The following NACC2 variants were observed in gnomAD, a reference collection of about 807,000 sequenced individuals.
NACC2 encodes NACC family member 2.
NACC2 carries 8 observed loss-of-function variants against 25.1 expected under a neutral mutation model. The ratio of observed to expected loss-of-function variants is 0.32; its 90% CI spans 0.19 to 0.57. The LOEUF (loss-of-function observed/expected upper bound fraction) is 0.57, where lower values mean the gene tolerates loss of function less well. NACC2 is among the 20% of genes least tolerant of loss of function. NACC2 has a pLI of 0.89. For synonymous variants in NACC2, 435 were observed against 294.7 expected, an observed-to-expected ratio of 1.48 and a Z score of -4.88; for missense variants, 644 against 650.2, an observed-to-expected ratio of 0.99 and a Z score of 0.10.
chr9:136,011,140 C>G lies in NACC2; in HGVS notation c.*376G>C, dbSNP rs1840099053. Reference sequence around the variant, plus strand: ...CCCCCTCGCCACAGACCACCGCCGGCCCCTGCTTCGTCTTCCGGGCAGGAG... The same window carrying G: ...CCCCCTCGCCACAGACCACCGCCGGGCCCTGCTTCGTCTTCCGGGCAGGAG... On this transcript the variant is annotated 3_prime_UTR_variant, in exon 6 of 6. Transcript: ENST00000277554. 1 of 166,452 alleles carries G rather than the reference C, an allele frequency of 6.0e-6. No individual in the cohort carries two copies. The highest frequency in any genetic ancestry group is 2.4e-5 in the African/African-American group (1 of 42,082). 10.3% of individuals were successfully genotyped at this position (166,452 alleles called of 1,614,324 possible).
intron 1 of NACC2, among the ~76,000 whole-genome samples, chr9:136,051,842 G>A (rs1375657068): frequency 6.6e-6 from 1 of 152,098 alleles, no homozygotes; most frequent in East Asian, 1.9e-4. Flanking sequence ...AACGGAGCGG[G>A]AGCCCTGGGG....
At chr9:136,051,766 G>A (rs1382041158) in intron 1 of NACC2, among the ~76,000 whole-genome samples, 2 of 152,166 alleles carry the variant, frequency 1.3e-5, no homozygotes, top group African/African-American at 4.8e-5. Flanking sequence ...GGCACTGCCC[G>A]CTCCGCCTGG....
intron 2 of NACC2, among the ~76,000 whole-genome samples, chr9:136,029,797 T>G (rs1400929249): frequency 2.0e-5 from 3 of 152,200 alleles, no homozygotes; most frequent in South Asian, 2.1e-4. Flanking sequence ...TGCCTGGCTG[T>G]GCACAGTGGC....
rs931101475 is a variant in NACC2, at chr9:136,086,927, C to T, written c.-60+8262G>A. 2.0e-5 allele frequency among the ~76,000 whole-genome samples: 3 copies of T among 152,246 alleles called. No individual in the cohort carries two copies. Among genetic ancestry groups the T allele is most frequent in the Non-Finnish European group, 4.4e-5 (3 of 68,042 alleles). ...CCTCCCACACCACACCGGGGGTTCG[C>T]ATCTACCTGACCCTTTGAATGCGGC... is the stretch of plus-strand genomic sequence containing the variant. On this transcript the variant is annotated intron_variant, in intron 1 of 5. Coordinates refer to ENST00000277554, the MANE Select transcript of NACC2 (RefSeq NM_144653.5). This position sits in a 1 kb window ranked among gnomAD's most constrained non-coding sequence, Gnocchi z 5.6.
At chr9:136,092,761 G>A (rs754873925) in intron 1 of NACC2, among the ~76,000 whole-genome samples, 4 of 152,196 alleles carry the variant, frequency 2.6e-5, no homozygotes, top group Non-Finnish European at 5.9e-5. Flanking sequence ...TCTGTAGAAG[G>A]CCTTGGTTCT....
intron 1 of NACC2, among the ~76,000 whole-genome samples, chr9:136,051,280 G>A (rs1397064815): frequency 2.0e-5 from 3 of 152,162 alleles, no homozygotes; most frequent in African/African-American, 7.2e-5. Context: ...TGCTCTCCTG[G>A]CTCGGACCAG....
chr9:136,041,052 AAGG>A (rs1840621053), intron 2 of NACC2, among the ~76,000 whole-genome samples: 1 of 149,002 alleles, frequency 6.7e-6, no homozygotes, highest in Non-Finnish European at 1.5e-5. Flanking sequence ...GGAAGGAAGG[AAGG>A]AAGGAAAGGA....
At chr9:136,046,573 C>A (rs1437081961) in intron 2 of NACC2, among the ~76,000 whole-genome samples, 4 of 152,202 alleles carry the variant, frequency 2.6e-5, no homozygotes, top group Non-Finnish European at 5.9e-5. Context: ...TGATGGGGAC[C>A]GAGACGGGGC....
intron 2 of NACC2, among the ~76,000 whole-genome samples, chr9:136,030,932 A>T (rs770087523): frequency 6.6e-6 from 1 of 152,110 alleles, no homozygotes; most frequent in African/African-American, 2.4e-5. Flanking sequence ...CAGTGCTGGG[A>T]TTACAGGAGT....
intron 2 of NACC2, among the ~76,000 whole-genome samples, chr9:136,044,541 G>A (rs1374705378): frequency 6.6e-6 from 1 of 152,112 alleles, no homozygotes; most frequent in Non-Finnish European, 1.5e-5. Context: ...ACCCTATCCA[G>A]GCCAGAGATG....
Position 136,013,062 on chromosome 9 carries a change from A to T in NACC2, c.1255+137T>A. 2 of 653,370 alleles carry T rather than the reference A, an allele frequency of 3.1e-6. No individual in the cohort carries two copies. The highest frequency in any genetic ancestry group is 5.3e-6 in the Non-Finnish European group (2 of 380,626). The allele number at this position is 653,370 out of a possible 1,614,324, so 40.5% of individuals were successfully genotyped here. On this transcript the variant is annotated intron_variant, in intron 5 of 5. Coordinates refer to ENST00000277554, the MANE Select transcript of NACC2 (RefSeq NM_144653.5). This position sits in a 1 kb window ranked among gnomAD's most constrained non-coding sequence, Gnocchi z 6.6. ...GCTCTTTTCTCCTCATCTTCCCCTC[A>T]ATCAGACCATGCTCGGCCCCCAGGG...
intron 1 of NACC2, among the ~76,000 whole-genome samples, chr9:136,094,442 C>A (rs1368346845): frequency 1.3e-5 from 2 of 152,228 alleles, no homozygotes; most frequent in East Asian, 3.9e-4. Flanking sequence ...CAGGAAACTC[C>A]GTCGGAAGGC....
At position 136,011,860 on chromosome 9, in the gene NACC2, C is replaced by T. The variant is rs1375368858; in HGVS notation, c.1420G>A (p.Ala474Thr). The change falls in exon 6 of 6, where the codon GCC becomes ACC. Residue 474 changes from alanine (A) to threonine (T), a missense_variant. Physicochemically the swap from Ala to Thr is moderately conservative, Grantham distance 58. Coordinates refer to ENST00000277554, the MANE Select transcript of NACC2 (RefSeq NM_144653.5). The stretch of plus-strand genomic sequence containing the variant: ...TCGGGGTCGAGGGGCACGCTGGCGG[C>T]GGCGGAGCCCATGACCGTGCGGTAC... ...EMYRTVMGSA[A>T]ASVPLDPEFP... 8 of 1,562,516 alleles carry T rather than the reference C, an allele frequency of 5.1e-6. No individual in the cohort carries two copies. Among genetic ancestry groups the T allele is most frequent in the Admixed American group, 1.9e-5 (1 of 53,394 alleles).
intron 1 of NACC2, among the ~76,000 whole-genome samples, chr9:136,072,055 T>C (rs1426347909): frequency 6.8e-6 from 1 of 146,710 alleles, no homozygotes; most frequent in African/African-American, 2.5e-5. Context: ...CTGGCCAACA[T>C]GGTGAAACCC....
At position 136,053,209 on chromosome 9, in the gene NACC2, G is replaced by C. The variant is rs1033569172; in HGVS notation, c.-59-2629C>G. 4.9e-3 allele frequency among the ~76,000 whole-genome samples: 744 copies of C among 152,376 alleles called. 8 individuals carry two copies. The highest frequency in any genetic ancestry group is 0.017 in the African/African-American group (702 of 41,592). ...CCGGCGCCCCTCTGAGGCATCCGGAGACCAGAGAGAGGGCCATCTGGCTCC... is the reference window on the plus strand; with the variant it reads ...CCGGCGCCCCTCTGAGGCATCCGGACACCAGAGAGAGGGCCATCTGGCTCC... On this transcript the variant is annotated intron_variant, in intron 1 of 5. Transcript: ENST00000277554.
chr9:136,083,611 G>C (rs911415097), intron 1 of NACC2, among the ~76,000 whole-genome samples: 1 of 152,232 alleles, frequency 6.6e-6, no homozygotes, highest in Non-Finnish European at 1.5e-5. Context: ...CAGAGGCCAG[G>C]CCGAGACTGG....
At chr9:136,063,815 G>A (rs1312730846) in intron 1 of NACC2, among the ~76,000 whole-genome samples, 2 of 150,492 alleles carry the variant, frequency 1.3e-5, no homozygotes, top group African/African-American at 4.9e-5. Context: ...CCCGAGAGGT[G>A]GAGGTTGCAG....
chr9:136,051,347 C>G (rs1277223384), intron 1 of NACC2, among the ~76,000 whole-genome samples: 12 of 152,234 alleles, frequency 7.9e-5, no homozygotes, highest in Non-Finnish European at 1.3e-4. Context: ...CGCAGCCCCA[C>G]TCGCGGACGC....
chr9:136,036,284 G>C (rs1446207622), intron 2 of NACC2, among the ~76,000 whole-genome samples: 1 of 152,136 alleles, frequency 6.6e-6, no homozygotes, highest in Non-Finnish European at 1.5e-5. Flanking sequence ...TAATACCACT[G>C]TGAGAGAATC....
Sources: gnomAD v4.1 joint callset for allele counts (sites outside exome capture counted in the v4.1 genomes callset) on GRCh38, gnomAD v4.1.1 for gene constraint, Gnocchi (gnomAD v3.1) non-coding constraint, MANE v1.5 for transcripts, NCBI Gene and HGNC (gene_info 2026-07-23, HGNC 2026-07-21) for gene names.